Variants in KIAA0753 observed in about 807,000 individuals in gnomAD.
KIAA0753 encodes protein moonraker.
KIAA0753 carries 114 observed loss-of-function variants against 116.9 expected under a neutral mutation model. That is an observed-to-expected ratio of 0.98 (90% CI 0.84 to 1.14). The LOEUF is 1.14. Among genes scored for constraint, KIAA0753 ranks in the 50% most tolerant of loss-of-function variants. The pLI is 0.00. For synonymous variants in KIAA0753, 405 were observed against 413.1 expected (o/e 0.98, Z 0.24); for missense variants, 1,156 against 1,172.4 (o/e 0.99, Z 0.20).
intron 16 of KIAA0753, among the ~76,000 whole-genome samples, chr17:6,591,047 GAAGAAGAAGAAGAAGAAGAAGAA>G (rs1175220691): frequency 0.04 from 4,004 of 99,288 alleles, 150 homozygotes; most frequent in Non-Finnish European, 0.055. Context: ...GAAGGAAGAA[GAAGAAGAAGAAGAAGAAGAAGAA>G]GAAGAAGAAG....
chr17:6,583,160 GATGT>G (rs1449294289), intron 18 of KIAA0753, among the ~76,000 whole-genome samples: 1 of 152,060 alleles, frequency 6.6e-6, no homozygotes, highest in East Asian at 1.9e-4. Context: ...CTTGCCTTTT[GATGT>G]ATCTTTCACT....
At position 6,620,915 on chromosome 17, in the gene KIAA0753, G is replaced by A. The variant is rs367654378; in HGVS notation, c.1188C>T (p.Ile396=). 25 of 1,614,028 alleles carry A rather than the reference G, an allele frequency of 1.5e-5. No individual in the cohort carries two copies. The highest frequency in any genetic ancestry group is 9.9e-5 in the South Asian group (9 of 91,092). Residue 396 remains isoleucine, a synonymous_variant, in exon 7 of 19, where the codon ATC becomes ATT. Transcript: ENST00000361413. ...ATCTCTCCAAGGCCTTTTGGCTACC[G>A]ATAGGAAATCTGCTCCGAATTTCAC... ...CFSEIRSRFP[I]GSQKALERWP...
chr17:6,618,059 G>A (rs1364594060), intron 7 of KIAA0753, among the ~76,000 whole-genome samples: 2 of 151,938 alleles, frequency 1.3e-5, no homozygotes, highest in African/African-American at 2.4e-5. Context: ...CCAAGATCAC[G>A]CCACTGAACT....
In KIAA0753 at chr17:6,612,211, T is replaced by C. The variant is rs79749671; in HGVS notation, c.1316-63A>G. The C allele has an allele frequency of 0.032, 39,409 of 1,237,002 alleles. 779 individuals carry two copies. Among genetic ancestry groups the C allele is most frequent in the Middle Eastern group, 0.064 (334 of 5,218 alleles). The allele number at this position is 1,237,002 out of a possible 1,614,324, so 76.6% of individuals were successfully genotyped here. A position where few individuals can be genotyped will look rare whatever the true frequency, so the allele number is the denominator to read the frequency against. Reference sequence around the variant, plus strand: ...GCTATTCAAATCAAATTGCTGAGAATGATTATCTACACACAGATAGGCTCC... The same window carrying C: ...GCTATTCAAATCAAATTGCTGAGAACGATTATCTACACACAGATAGGCTCC... On this transcript the variant is annotated intron_variant, in intron 7 of 18. Transcript: ENST00000361413.
At chr17:6,583,036 T>C (rs1478309309) in intron 18 of KIAA0753, among the ~76,000 whole-genome samples, 2 of 152,198 alleles carry the variant, frequency 1.3e-5, no homozygotes, top group Non-Finnish European at 2.9e-5. Context: ...CTCCCTATAT[T>C]TCTGACCTTC....
chr17:6,612,493 C>CA (rs1970618524), intron 7 of KIAA0753, among the ~76,000 whole-genome samples: 1 of 152,238 alleles, frequency 6.6e-6, no homozygotes, highest in South Asian at 2.1e-4. Context: ...ACTGGAATAA[C>CA]AGTGTCTCCT....
chr17:6,602,902 T>A (rs1427992212), intron 12 of KIAA0753, among the ~76,000 whole-genome samples: 1 of 152,004 alleles, frequency 6.6e-6, no homozygotes, highest in Non-Finnish European at 1.5e-5. Flanking sequence ...ACTAGGTATC[T>A]GAGGAAGGAA....
intron 13 of KIAA0753, 137 bp downstream of exon 13, chr17:6,600,243 T>G: frequency 2.9e-6 from 2 of 680,362 alleles, no homozygotes; most frequent in South Asian, 3.5e-5. Flanking sequence ...ATCAGTAGTG[T>G]GTGGTGGTCT....
chr17:6,605,271 G>A (rs1970120536), intron 12 of KIAA0753, among the ~76,000 whole-genome samples: 1 of 152,144 alleles, frequency 6.6e-6, no homozygotes, highest in Non-Finnish European at 1.5e-5. Flanking sequence ...TGTCTGCTAA[G>A]GATAGTCATC....
chr17:6,610,652 CT>C (rs2150833455), intron 8 of KIAA0753, among the ~76,000 whole-genome samples: 1 of 151,282 alleles, frequency 6.6e-6, no homozygotes, highest in African/African-American at 2.4e-5. Flanking sequence ...TCCTGAATAG[CT>C]GGGATCACAA....
intron 4 of KIAA0753, among the ~76,000 whole-genome samples, 185 bp downstream of exon 4, chr17:6,624,570 A>G (rs1057031981): frequency 6.5e-4 from 99 of 151,590 alleles, no homozygotes; most frequent in African/African-American, 2.4e-3. Flanking sequence ...ACACACACAC[A>G]CGCAGATTAC....
At chr17:6,602,528 T>C (rs1372984335) in intron 12 of KIAA0753, among the ~76,000 whole-genome samples, 31 of 151,612 alleles carry the variant, frequency 2.0e-4, no homozygotes, top group Admixed American at 2.0e-3. Context: ...GGGTAGATCT[T>C]GATGATTCTA....
In KIAA0753 at chr17:6,596,237, G is replaced by A. The variant is rs561375556; in HGVS notation, c.2279C>T (p.Ser760Phe). ...GTCCTCAACGGTGGCTAAGGTTTCA[G>A]ACCCCAAGATCTTAGCATGAGTCAC... ...WAVTHAKILG[S>F]ETLATVEDSK... The change falls in exon 15 of 19, where the codon TCT becomes TTT. Residue 760 changes from serine (S) to phenylalanine (F), a missense_variant. Transcript: ENST00000361413. 6 of 1,613,824 alleles carry A rather than the reference G, an allele frequency of 3.7e-6. No homozygotes were observed. The highest frequency in any genetic ancestry group is 1.7e-5 in the Admixed American group (1 of 59,998).
At chr17:6,610,663 A>C (rs2150833490) in intron 8 of KIAA0753, among the ~76,000 whole-genome samples, 1 of 151,594 alleles carries the variant, frequency 6.6e-6, no homozygotes, top group African/African-American at 2.4e-5. Context: ...TGGGATCACA[A>C]GTGTTAGATA....
intron 9 of KIAA0753, 54 bp from the exon 10 acceptor site, chr17:6,608,518 C>T: frequency 1.0e-6 from 1 of 995,986 alleles, no homozygotes; most frequent in Non-Finnish European, 1.4e-6. Context: ...TATCCAATGA[C>T]TCATCCAAGT....
chr17:6,589,817 C>A lies in KIAA0753; in HGVS notation c.2748G>T (p.Glu916Asp), dbSNP rs1451752484. The change falls in exon 18 of 19, where the codon GAG (glutamate) becomes GAT (aspartate). Residue 916 changes from glutamate (E) to aspartate (D), a missense_variant. Glu to Asp is a conservative substitution (Grantham distance 45, BLOSUM62 2). Coordinates refer to ENST00000361413, the MANE Select transcript of KIAA0753 (RefSeq NM_014804.3). ...GCCACGGGTTGAAGGAGCCTACAGCCTCATGAGATATGATCCGAAGGTACT... is the reference window on the plus strand; with the variant it reads ...GCCACGGGTTGAAGGAGCCTACAGCATCATGAGATATGATCCGAAGGTACT... The part of the protein sequence containing the change: ...FEQYLRIISH[E>D]AVGSFNPWLI... 1 of 1,613,640 alleles carries A rather than the reference C, an allele frequency of 6.2e-7. No homozygotes were observed. Among genetic ancestry groups the A allele is most frequent in the African/African-American group, 1.3e-5 (1 of 74,886 alleles).
In KIAA0753 at chr17:6,607,236, A is replaced by G. The variant is rs774599875; in HGVS notation, c.1864T>C (p.Leu622=). 20 of 1,612,578 alleles carry G rather than the reference A, an allele frequency of 1.2e-5. No individual in the cohort carries two copies. Among genetic ancestry groups the G allele is most frequent in the East Asian group, 2.2e-5 (1 of 44,846 alleles). The change falls in exon 11 of 19, where the codon TTG becomes CTG. Residue 622 remains leucine (L), a synonymous_variant. Transcript: ENST00000361413. The part of the protein sequence containing the change: ...AWLDAETSKR[L]KELEELKAKE... ...GCTTTTAACTCTTCTAGTTCCTTCA[A>G]TCTTTTGGAAGTTTCAGCATCAAGC...
At chr17:6,588,022 G>A (rs1025438180) in intron 18 of KIAA0753, among the ~76,000 whole-genome samples, 1 of 152,104 alleles carries the variant, frequency 6.6e-6, no homozygotes, top group African/African-American at 2.4e-5. Context: ...GAAGGCTCAG[G>A]AAGTTAAGAG....
At chr17:6,607,733 G>A (rs1031922183) in intron 10 of KIAA0753, among the ~76,000 whole-genome samples, 17 of 152,164 alleles carry the variant, frequency 1.1e-4, no homozygotes, top group East Asian at 5.8e-4. Flanking sequence ...TTAATGGACC[G>A]CTTTCATTTT....
Sources: allele counts gnomAD v4.1 joint callset (sites outside exome capture counted in the v4.1 genomes callset), GRCh38; gene constraint gnomAD v4.1.1; transcripts MANE v1.5; gene names NCBI Gene and HGNC (gene_info 2026-07-23, HGNC 2026-07-21).